The following TLN2 variants were observed in gnomAD, a reference collection of about 807,000 sequenced individuals.
TLN2 encodes talin 2, also known as talin-2.
Under a neutral mutation model 294.7 loss-of-function variants are expected in TLN2, and 118 were observed. The ratio of observed to expected loss-of-function variants is 0.40; its 90% CI spans 0.34 to 0.47. The LOEUF (loss-of-function observed/expected upper bound fraction) is 0.47, where lower values mean the gene tolerates loss of function less well. TLN2 is among the 20% of genes least tolerant of loss of function. The probability of loss-of-function intolerance (pLI) is 0.84; values close to 1 mark genes in which losing one functional copy is unlikely to be tolerated. For missense variants in TLN2, 3,083 were observed against 3,282.2 expected (o/e 0.94, Z 1.48); for synonymous variants, 1,431 against 1,304.5 (o/e 1.10, Z -2.09).
intron 1 of TLN2, among the ~76,000 whole-genome samples, chr15:62,496,953 C>T (rs1389712319): frequency 1.3e-5 from 2 of 152,134 alleles, no homozygotes; most frequent in African/African-American, 4.8e-5. Context: ...GGCCTCTGCT[C>T]CTGGTGATGG....
At chr15:62,809,519 A>G (rs982068743) in intron 51 of TLN2, among the ~76,000 whole-genome samples, 6 of 152,284 alleles carry the variant, frequency 3.9e-5, no homozygotes, top group African/African-American at 1.4e-4. Context: ...AGGGGCTTTC[A>G]GGACCCCTTA....
intron 1 of TLN2, among the ~76,000 whole-genome samples, chr15:62,524,325 ACT>A (rs2040619638): frequency 6.6e-6 from 1 of 152,150 alleles, no homozygotes; most frequent in Non-Finnish European, 1.5e-5. Flanking sequence ...CAGATTTTAT[ACT>A]CTGAGTTTTT....
intron 1 of TLN2, among the ~76,000 whole-genome samples, chr15:62,470,287 C>A (rs2037392240): frequency 6.6e-6 from 1 of 152,216 alleles, no homozygotes; most frequent in African/African-American, 2.4e-5. Flanking sequence ...TGATGTTTAA[C>A]CCAGACAGTC....
Position 62,738,206 on chromosome 15 carries a change from G to T in TLN2, c.3568-8G>T. ...CTTAAAGGTGCTTCTCTCTCTCCACGAATTCAGGTGGCTAAAGCCGTCTCA... is the reference window on the plus strand; with the variant it reads ...CTTAAAGGTGCTTCTCTCTCTCCACTAATTCAGGTGGCTAAAGCCGTCTCA... On this transcript the variant is annotated splice_region_variant and splice_polypyrimidine_tract_variant and intron_variant, in intron 29 of 58. Transcript: ENST00000636159. 6.2e-7 allele frequency: 1 copy of T among 1,612,880 alleles called. No homozygotes were observed. Among genetic ancestry groups the T allele is most frequent in the South Asian group, 1.1e-5 (1 of 90,660 alleles).
chr15:62,674,674 GT>G (rs1390154395), intron 10 of TLN2, among the ~76,000 whole-genome samples: 2 of 151,506 alleles, frequency 1.3e-5, no homozygotes, highest in Non-Finnish European at 2.9e-5. Context: ...GCTAATTTTT[GT>G]TTTTTCAGTA....
chr15:62,710,222 C>T (rs1052780241), intron 21 of TLN2, among the ~76,000 whole-genome samples: 2 of 152,154 alleles, frequency 1.3e-5, no homozygotes, highest in African/African-American at 2.4e-5. Context: ...ACTTTTCCTA[C>T]GTAGGGTAAA....
rs8040709 is a variant in TLN2, at chr15:62,801,356, T to A, written c.6477+587T>A. 1.8e-4 allele frequency among the ~76,000 whole-genome samples: 28 copies of A among 152,316 alleles called. 2 individuals are homozygous for A. The East Asian group carries it at 4.0e-3, about 22-fold the overall frequency. On this transcript the variant is annotated intron_variant, in intron 50 of 58. Transcript: ENST00000636159. ...TGGAGTTACTGCAATGTGGATGATA[T>A]CTGCTGTTCTTATGATCCCACAATG...
rs145797456 is a variant in TLN2 at position 62,525,400 on chromosome 15, A to G, written c.-237-64287A>G. Among the ~76,000 whole-genome samples, 176 of 152,314 alleles carry G rather than the reference A, an allele frequency of 1.2e-3. 1 individual carries two copies. The Middle Eastern group carries it at 0.014, about 12-fold the overall frequency. Reference sequence around the variant, plus strand: ...AGATTTATGCAACTTGGTTCTTCTGAAATTTATTGAATACATCCTGCTGTT... The same window carrying G: ...AGATTTATGCAACTTGGTTCTTCTGGAATTTATTGAATACATCCTGCTGTT... On this transcript the variant is annotated intron_variant, in intron 1 of 58. Coordinates refer to ENST00000636159, the MANE Select transcript of TLN2 (RefSeq NM_015059.3).
chr15:62,837,040 A>G (rs1393482638), intron 57 of TLN2, among the ~76,000 whole-genome samples: 1 of 152,076 alleles, frequency 6.6e-6, no homozygotes, highest in Admixed American at 6.5e-5. Context: ...TTTGTTTCCA[A>G]TTTTCGAGAT....
At chr15:62,596,091 G>A (rs1286800295) in intron 2 of TLN2, among the ~76,000 whole-genome samples, 4 of 151,746 alleles carry the variant, frequency 2.6e-5, no homozygotes, top group Admixed American at 6.6e-5. Context: ...GTGAAACCCC[G>A]TCTCTGCTAA....
chr15:62,813,851 G>A (rs1324195202), intron 52 of TLN2, among the ~76,000 whole-genome samples: 1 of 149,574 alleles, frequency 6.7e-6, no homozygotes, highest in Non-Finnish European at 1.5e-5. Context: ...TTTTGCCCTC[G>A]TTGCCTGGGC....
intron 19 of TLN2, among the ~76,000 whole-genome samples, chr15:62,704,017 A>C (rs2058899749): frequency 1.3e-5 from 2 of 152,210 alleles, no homozygotes; most frequent in Admixed American, 1.3e-4. Context: ...ATATATCCTA[A>C]TTAAATTGTT....
intron 43 of TLN2, among the ~76,000 whole-genome samples, chr15:62,779,554 C>G (rs1458176793): frequency 6.6e-6 from 1 of 152,228 alleles, no homozygotes; most frequent in African/African-American, 2.4e-5. Flanking sequence ...TGTCCTCAGA[C>G]TAGTTAAAGG....
chr15:62,532,444 G>A (rs1017038306), intron 1 of TLN2, among the ~76,000 whole-genome samples: 6 of 152,076 alleles, frequency 3.9e-5, no homozygotes, highest in African/African-American at 1.4e-4. Flanking sequence ...ACTTTCATCA[G>A]GCCAGTGGAT....
chr15:62,576,880 G>C (rs112802234), intron 1 of TLN2, among the ~76,000 whole-genome samples: 57 of 152,242 alleles, frequency 3.7e-4, no homozygotes, highest in African/African-American at 1.3e-3. Flanking sequence ...GTGAGAGCAG[G>C]GGCTCATGTA....
intron 1 of TLN2, among the ~76,000 whole-genome samples, chr15:62,400,343 A>C (rs1185974112): frequency 1.3e-5 from 2 of 152,246 alleles, no homozygotes; most frequent in East Asian, 3.8e-4. Flanking sequence ...GGTGAAAGTT[A>C]GAATCTCAGT....
At chr15:62,830,027 C>T (rs982318884) in intron 54 of TLN2, 4 of 151,988 alleles carry the variant, frequency 2.6e-5, no homozygotes, top group African/African-American at 9.7e-5. Flanking sequence ...AAATTGTTTT[C>T]TAAAGTTCCT....
intron 46 of TLN2, among the ~76,000 whole-genome samples, chr15:62,793,190 C>T (rs879349733): frequency 6.6e-6 from 1 of 152,170 alleles, no homozygotes; most frequent in Admixed American, 6.5e-5. Flanking sequence ...GGGCTGAGGG[C>T]TGAGTCAGGA....
chr15:62,680,705 GTA>G (rs907741721), intron 11 of TLN2, among the ~76,000 whole-genome samples: 1 of 151,740 alleles, frequency 6.6e-6, no homozygotes. Flanking sequence ...TATACTTACT[GTA>G]TAGTTTTTTA....
Sources: gnomAD v4.1 joint callset for allele counts (sites outside exome capture counted in the v4.1 genomes callset) on GRCh38, gnomAD v4.1.1 for gene constraint, MANE v1.5 for transcripts, NCBI Gene and HGNC (gene_info 2026-07-23, HGNC 2026-07-21) for gene names.